POLQ: variants seen among roughly 807,000 people sequenced by gnomAD.
POLQ encodes the protein DNA polymerase theta.
POLQ carries 233 observed loss-of-function variants against 259.2 expected under a neutral mutation model. The observed-to-expected ratio is 0.90, with a 90% CI of 0.81 to 1.00. The LOEUF (loss-of-function observed/expected upper bound fraction) is 1.00, where lower values mean the gene tolerates loss of function less well. Among genes scored for constraint, POLQ ranks in the 50% least tolerant of loss-of-function variants. POLQ has a pLI of 0.00. For synonymous variants in POLQ, 1,025 were observed against 1,048.8 expected (o/e 0.98, Z 0.44); for missense variants, 2,871 against 3,051.6 (o/e 0.94, Z 1.39).
At chr3:121,500,957 T>A (rs1364161472) in intron 12 of POLQ, among the ~76,000 whole-genome samples, 2 of 152,136 alleles carry the variant, frequency 1.3e-5, no homozygotes, top group African/African-American at 4.8e-5. Flanking sequence ...AAAAAATCTG[T>A]CAACTAAACA....
At chr3:121,543,924 C>T (rs1200440807) in intron 2 of POLQ, among the ~76,000 whole-genome samples, 1 of 147,912 alleles carries the variant, frequency 6.8e-6, no homozygotes, top group Non-Finnish European at 1.5e-5. Context: ...CAGAGGGTGC[C>T]GTGAGCCGAG....
intron 25 of POLQ, among the ~76,000 whole-genome samples, chr3:121,453,760 G>A (rs1191293811): frequency 6.6e-6 from 1 of 152,180 alleles, no homozygotes; most frequent in Non-Finnish European, 1.5e-5. Flanking sequence ...TCTCACTGGT[G>A]TATCTGAAAG....
chr3:121,473,585 T>C, intron 20 of POLQ, 98 bp from the exon 21 acceptor site: 1 of 1,002,684 alleles, frequency 1.0e-6, no homozygotes, highest in Non-Finnish European at 1.5e-6. Context: ...TCTCTACAGT[T>C]CAACATGGAT....
chr3:121,459,381 T>TTG (rs2047771197), intron 25 of POLQ, among the ~76,000 whole-genome samples: 2 of 146,404 alleles, frequency 1.4e-5, no homozygotes, highest in South Asian at 4.8e-4. Context: ...TTTTTTTTTT[T>TTG]TTTTTTTTTT....
chr3:121,490,846 G>A (rs1412389424), intron 15 of POLQ, among the ~76,000 whole-genome samples: 2 of 152,152 alleles, frequency 1.3e-5, no homozygotes, highest in African/African-American at 2.4e-5. Context: ...TTGAGGCAAC[G>A]AGTTCGAGAC....
At chr3:121,447,651 C>A (rs987513953) in intron 26 of POLQ, among the ~76,000 whole-genome samples, 1 of 152,008 alleles carries the variant, frequency 6.6e-6, no homozygotes, top group East Asian at 1.9e-4. Flanking sequence ...GAGTTCTGTA[C>A]CTTTAGGTTA....
rs1172818231 is a variant in POLQ at position 121,487,945 on chromosome 3, A to C, written c.4986T>G (p.Thr1662=). The change falls in exon 16 of 30, where the codon ACT becomes ACG. Residue 1662 remains threonine, a synonymous_variant. Transcript: ENST00000264233. ...TTCTATTCAAACTGGAAAAGTTTAT[A>C]GTCATTGATTTTAGCTTTTCATTTT... ...PLENEKLKSM[T]INFSSLNRKN... The C allele has an allele frequency of 6.2e-7, 1 of 1,604,250 alleles. No homozygotes were observed. The highest frequency in any genetic ancestry group is 1.7e-5 in the Admixed American group (1 of 57,498).
At chr3:121,509,332 C>T (rs749260915) in intron 12 of POLQ, among the ~76,000 whole-genome samples, 1 of 152,018 alleles carries the variant, frequency 6.6e-6, no homozygotes, top group African/African-American at 2.4e-5. Context: ...TAAAACAACT[C>T]AAATCTTTTT....
Position 121,488,260 on chromosome 3 carries a change from T to C in POLQ, c.4671A>G (p.Ile1557Met). The change falls in exon 16 of 30, where the codon ATA becomes ATG. Residue 1557 changes from isoleucine (I) to methionine (M), a missense_variant. Ile to Met is a conservative substitution (Grantham distance 10, BLOSUM62 1). Transcript: ENST00000264233. The part of the protein sequence containing the change: ...QLTCSNDESI[I>M]FSEMDSVQMV... ...TCTGAACAGAATCCATTTCTGAAAA[T>C]ATAATAGATTCATCATTGGAACAAG... The C allele has an allele frequency of 6.2e-7, 1 of 1,612,734 alleles. No individual in the cohort carries two copies. The highest frequency in any genetic ancestry group is 1.1e-5 in the South Asian group (1 of 90,864).
At chr3:121,494,733 C>T (rs529593008) in intron 14 of POLQ, 8 of 1,568,188 alleles carry the variant, frequency 5.1e-6, no homozygotes, top group African/African-American at 2.7e-5. Flanking sequence ...CAGGTGAACT[C>T]GGAAGACAAA....
At chr3:121,450,683 T>TG (rs2047667662) in intron 25 of POLQ, among the ~76,000 whole-genome samples, 1 of 152,192 alleles carries the variant, frequency 6.6e-6, no homozygotes, top group East Asian at 1.9e-4. Flanking sequence ...GGCTTCCCTT[T>TG]GTGGGTAACC....
intron 25 of POLQ, among the ~76,000 whole-genome samples, chr3:121,457,774 T>A (rs971800056): frequency 1.3e-5 from 2 of 152,170 alleles, no homozygotes; most frequent in African/African-American, 2.4e-5. Context: ...GGAACACTTT[T>A]ACACTGTTGG....
chr3:121,504,538 T>G (rs1199138667), intron 12 of POLQ, among the ~76,000 whole-genome samples: 1 of 152,186 alleles, frequency 6.6e-6, no homozygotes, highest in Admixed American at 6.5e-5. Flanking sequence ...TCCTAAATCA[T>G]ACTGTGCAGT....
In POLQ at chr3:121,432,881, T is replaced by C. The variant is rs374772312; in HGVS notation, c.7659+37A>G. The C allele has an allele frequency of 3.4e-6, 4 of 1,190,016 alleles. No individual in the cohort carries two copies. In the African/African-American group the frequency reaches 6.0e-5, roughly 18 times the overall value. The allele number at this position is 1,190,016 out of a possible 1,614,324, so 73.7% of individuals were successfully genotyped here. ...GTCGGCCTGACAATACAGTGTCTTG[T>C]CTTCCTATGGAATGGACACAAGCAT... On this transcript the variant is annotated intron_variant, in intron 29 of 29. Coordinates refer to ENST00000264233, the MANE Select transcript of POLQ (RefSeq NM_199420.4).
At position 121,473,336 on chromosome 3, in the gene POLQ, G is replaced by C; in HGVS notation, c.6543+14C>G. 1 of 1,604,026 alleles carries C rather than the reference G, an allele frequency of 6.2e-7. No individual in the cohort carries two copies. The highest frequency in any genetic ancestry group is 1.1e-5 in the South Asian group (1 of 88,586). ...TTAGGTTCTGCCCTGCTCTGTGACT[G>C]CCCCAAAGAGCACCTTACTAGTGCT... On this transcript the variant is annotated intron_variant, in intron 21 of 29. Coordinates refer to ENST00000264233, the MANE Select transcript of POLQ (RefSeq NM_199420.4).
chr3:121,519,535 G>T (rs1397690644), intron 9 of POLQ, among the ~76,000 whole-genome samples: 1 of 150,472 alleles, frequency 6.6e-6, no homozygotes, highest in African/African-American at 2.4e-5. Flanking sequence ...AATTAGCCGG[G>T]CATGGTGGCA....
At chr3:121,459,387 T>G (rs987056972) in intron 25 of POLQ, among the ~76,000 whole-genome samples, 4 of 145,372 alleles carry the variant, frequency 2.8e-5, no homozygotes, top group African/African-American at 5.1e-5. Context: ...TTTTTTTTTT[T>G]TTTTTGTTTT....
chr3:121,472,218 C>A, intron 21 of POLQ, 54 bp from the exon 22 acceptor site: 1 of 813,232 alleles, frequency 1.2e-6, no homozygotes, highest in Non-Finnish European at 1.9e-6. Flanking sequence ...CCACAGCAAG[C>A]TAGAATCTCT....
At chr3:121,534,102 T>C (rs140538115) in intron 5 of POLQ, among the ~76,000 whole-genome samples, 16,605 of 151,764 alleles carry the variant, frequency 0.11, 1,101 homozygotes, top group East Asian at 0.15. Flanking sequence ...GGTCTCGATC[T>C]CCTGACCTCG....
Sources: allele counts gnomAD v4.1 joint callset (sites outside exome capture counted in the v4.1 genomes callset), GRCh38; gene constraint gnomAD v4.1.1; transcripts MANE v1.5; gene names NCBI Gene and HGNC (gene_info 2026-07-23, HGNC 2026-07-21).